The following TRIQK variants were observed in gnomAD, a reference collection of about 807,000 sequenced individuals.
TRIQK encodes triple QxxK/R motif-containing protein.
In TRIQK, 10 loss-of-function variants were observed where a neutral mutation model predicts 10.8. That is an observed-to-expected ratio of 0.92 (90% CI 0.57 to 1.57). The LOEUF (loss-of-function observed/expected upper bound fraction) is 1.57. Ranked by LOEUF, TRIQK falls within the 40% of genes most tolerant of loss-of-function variation. TRIQK has a pLI of 0.00. For missense variants in TRIQK, 107 were observed against 97.7 expected (o/e 1.09, Z -0.40); for synonymous variants, 33 against 33.7 (o/e 0.98, Z 0.07).
At chr8:92,978,948 T>C (rs1812958273) in intron 1 of TRIQK, among the ~76,000 whole-genome samples, 1 of 152,112 alleles carries the variant, frequency 6.6e-6, no homozygotes, top group South Asian at 2.1e-4. Context: ...GCTGATCCAA[T>C]GAACACTTAT....
intron 1 of TRIQK, among the ~76,000 whole-genome samples, chr8:93,010,175 G>A (rs1813317662): frequency 1.3e-5 from 2 of 152,116 alleles, no homozygotes; most frequent in African/African-American, 4.8e-5. Context: ...TATATAAGAG[G>A]AATAAATTTT....
chr8:92,998,198 T>C (rs1025392796), intron 1 of TRIQK, among the ~76,000 whole-genome samples: 1 of 151,978 alleles, frequency 6.6e-6, no homozygotes, highest in Non-Finnish European at 1.5e-5. Context: ...GTAGGATAAA[T>C]GAATGAATAA....
intron 3 of TRIQK, among the ~76,000 whole-genome samples, chr8:92,910,765 A>G: frequency 6.6e-6 from 1 of 151,454 alleles, no homozygotes; most frequent in Non-Finnish European, 1.5e-5. Flanking sequence ...AGAAAAGGGG[A>G]AATTATCATA....
At chr8:92,951,981 C>A (rs193109391) in intron 2 of TRIQK, among the ~76,000 whole-genome samples, 1 of 152,062 alleles carries the variant, frequency 6.6e-6, no homozygotes, top group East Asian at 1.9e-4. Flanking sequence ...TAGCTCCATA[C>A]TTTACCACCA....
intron 4 of TRIQK, among the ~76,000 whole-genome samples, chr8:92,889,502 A>C (rs1175898513): frequency 1.3e-5 from 2 of 151,682 alleles, no homozygotes; most frequent in Non-Finnish European, 3.0e-5. Context: ...TATCCATAAT[A>C]CTACCTCCAA....
intron 1 of TRIQK, among the ~76,000 whole-genome samples, chr8:92,971,259 C>T (rs1812874786): frequency 6.6e-6 from 1 of 151,992 alleles, no homozygotes; most frequent in South Asian, 2.1e-4. Context: ...CCTCTCTCAC[C>T]ACTCCTGTTC....
chr8:92,983,586 A>G (rs1430847320), intron 1 of TRIQK, among the ~76,000 whole-genome samples: 1 of 152,112 alleles, frequency 6.6e-6, no homozygotes, highest in East Asian at 1.9e-4. Context: ...ATTTTTAGGG[A>G]CCATACAAAC....
intron 1 of TRIQK, among the ~76,000 whole-genome samples, chr8:92,994,406 ATT>A (rs1033070284): frequency 3.3e-5 from 3 of 91,874 alleles, no homozygotes; most frequent in African/African-American, 2.2e-4. Context: ...TAAAAAATTT[ATT>A]TGTTTCAAAT....
Position 92,988,066 on chromosome 8 carries a change from G to C in TRIQK, c.-181+29543C>G, listed in dbSNP as rs529662872. On this transcript the variant is annotated intron_variant, in intron 1 of 4. Transcript: ENST00000520686. Reference sequence around the variant, plus strand: ...CTGTCGCCCAGGCTGGAGTGCAGTGGCGCGATCTCGGCTCACTGCAAGCAA... The same window carrying C: ...CTGTCGCCCAGGCTGGAGTGCAGTGCCGCGATCTCGGCTCACTGCAAGCAA... Among the ~76,000 whole-genome samples, 14 of 145,222 alleles carry C rather than the reference G, an allele frequency of 9.6e-5. No individual in the cohort carries two copies. In the South Asian group the frequency reaches 2.9e-3, roughly 30 times the overall value.
At chr8:92,996,514 T>C (rs1247360681) in intron 1 of TRIQK, among the ~76,000 whole-genome samples, 2 of 152,022 alleles carry the variant, frequency 1.3e-5, no homozygotes, top group South Asian at 2.1e-4. Flanking sequence ...GCTATATGTA[T>C]GTGAATTGAA....
At chr8:92,996,290 T>A (rs1446508408) in intron 1 of TRIQK, among the ~76,000 whole-genome samples, 1 of 152,084 alleles carries the variant, frequency 6.6e-6, no homozygotes, top group Admixed American at 6.6e-5. Context: ...AATTCTCTGG[T>A]CTCTCAATTG....
chr8:92,969,499 A>G (rs958577189), upstream of TRIQK, among the ~76,000 whole-genome samples: 3 of 151,684 alleles, frequency 2.0e-5, no homozygotes, highest in African/African-American at 7.3e-5. Flanking sequence ...GTGTATTCTG[A>G]AATTATGGAA....
At chr8:92,935,566 A>C (rs1283293736) in intron 2 of TRIQK, among the ~76,000 whole-genome samples, 1 of 151,660 alleles carries the variant, frequency 6.6e-6, no homozygotes, top group Admixed American at 6.6e-5. Flanking sequence ...TAGAAAAAGA[A>C]TAAAGCCCTT....
At chr8:93,012,894 T>TG (rs1813349840) in intron 1 of TRIQK, among the ~76,000 whole-genome samples, 2 of 152,348 alleles carry the variant, frequency 1.3e-5, no homozygotes, top group South Asian at 4.1e-4. Flanking sequence ...CTAGATGTAT[T>TG]GAATCAGAAA....
intron 1 of TRIQK, among the ~76,000 whole-genome samples, chr8:93,012,829 C>CAGCA (rs1813349000): frequency 6.6e-6 from 1 of 152,158 alleles, no homozygotes. Flanking sequence ...CTGGAACCAC[C>CAGCA]AGCAGCAGCA....
chr8:92,955,802 A>T (rs1398692719), intron 1 of TRIQK, among the ~76,000 whole-genome samples: 2 of 151,834 alleles, frequency 1.3e-5, no homozygotes, highest in Non-Finnish European at 2.9e-5. Context: ...ACAAATTGCC[A>T]AAAAGCACAT....
At chr8:92,921,575 G>T (rs1340169283) in intron 2 of TRIQK, 1 of 151,828 alleles carries the variant, frequency 6.6e-6, no homozygotes, top group African/African-American at 2.4e-5. Flanking sequence ...CTCTGAACAT[G>T]AGTGATGAAG....
intron 2 of TRIQK, among the ~76,000 whole-genome samples, chr8:92,933,688 CTG>C (rs1246090888): frequency 8.5e-5 from 13 of 152,222 alleles, no homozygotes; most frequent in African/African-American, 3.1e-4. Context: ...TAGCCACATA[CTG>C]TATGTTTACA....
upstream of TRIQK, among the ~76,000 whole-genome samples, chr8:92,967,857 AAAAG>A (rs558801535): frequency 9.7e-4 from 147 of 151,070 alleles, no homozygotes; most frequent in African/African-American, 3.1e-3. Flanking sequence ...TTTTAGACTA[AAAAG>A]AAAGAGTTAT....
Sources: gnomAD v4.1 joint callset for allele counts (sites outside exome capture counted in the v4.1 genomes callset) on GRCh38, gnomAD v4.1.1 for gene constraint, MANE v1.5 for transcripts, NCBI Gene and HGNC (gene_info 2026-07-23, HGNC 2026-07-21) for gene names.